Variants in SPAG16 observed in about 807,000 individuals in gnomAD.
SPAG16 encodes the protein sperm-associated antigen 16 protein.
Under a neutral mutation model 80.4 loss-of-function variants are expected in SPAG16, and 86 were observed. The observed-to-expected ratio is 1.07, with a 90% CI of 0.90 to 1.28. The LOEUF (loss-of-function observed/expected upper bound fraction) is 1.28. SPAG16 is among the 50% of genes most tolerant of loss of function. The probability of loss-of-function intolerance (pLI) is 0.00; values close to 1 mark genes in which losing one functional copy is unlikely to be tolerated. For missense variants in SPAG16, 870 were observed against 765.3 expected, an observed-to-expected ratio of 1.14 and a Z score of -1.61; for synonymous variants, 294 against 265.9, an observed-to-expected ratio of 1.11 and a Z score of -1.03.
intron 9 of SPAG16, among the ~76,000 whole-genome samples, chr2:213,475,538 A>T (rs1484932136): frequency 6.6e-6 from 1 of 152,156 alleles, no homozygotes; most frequent in African/African-American, 2.4e-5. Context: ...AATTTGAAGC[A>T]TCCCTCAAAT....
intron 9 of SPAG16, among the ~76,000 whole-genome samples, chr2:213,406,936 TAAAAAAA>T (rs60707204): frequency 1.1e-3 from 138 of 122,442 alleles, no homozygotes; most frequent in Non-Finnish European, 2.0e-3. Context: ...GACGCGGATT[TAAAAAAA>T]AAAAAAAAAA....
chr2:213,304,727 T>A (rs1415253782), intron 3 of SPAG16, among the ~76,000 whole-genome samples: 2 of 152,108 alleles, frequency 1.3e-5, no homozygotes, highest in Non-Finnish European at 2.9e-5. Flanking sequence ...GTTCTGTTGG[T>A]CTATGTATCT....
chr2:213,968,241 C>G (rs914828115), intron 12 of SPAG16, among the ~76,000 whole-genome samples: 3 of 151,930 alleles, frequency 2.0e-5, no homozygotes, highest in Non-Finnish European at 4.4e-5. Context: ...ACGGCGAGAT[C>G]TCATCTCACT....
At chr2:213,444,750 A>C (rs1003701144) in intron 9 of SPAG16, among the ~76,000 whole-genome samples, 1 of 152,170 alleles carries the variant, frequency 6.6e-6, no homozygotes. Flanking sequence ...TCTAAAATTT[A>C]TATGAAACCA....
intron 15 of SPAG16, among the ~76,000 whole-genome samples, chr2:214,311,107 C>T (rs899633684): frequency 2.6e-5 from 4 of 151,230 alleles, no homozygotes; most frequent in Non-Finnish European, 5.9e-5. Context: ...CACCTATCCA[C>T]TAGGGCAGAA....
chr2:213,455,202 A>G (rs920285323), intron 9 of SPAG16, among the ~76,000 whole-genome samples: 1 of 152,226 alleles, frequency 6.6e-6, no homozygotes, highest in Non-Finnish European at 1.5e-5. Context: ...GATTTCTTAA[A>G]ATATGTGATT....
At chr2:214,031,425 CTG>C (rs1184480331) in intron 13 of SPAG16, among the ~76,000 whole-genome samples, 1 of 89,692 alleles carries the variant, frequency 1.1e-5, no homozygotes, top group African/African-American at 4.6e-5. Context: ...ACATCACACT[CTG>C]GGGACTGTTG....
intron 10 of SPAG16, among the ~76,000 whole-genome samples, chr2:213,849,146 A>T (rs2074776993): frequency 6.6e-6 from 1 of 152,152 alleles, no homozygotes; most frequent in Non-Finnish European, 1.5e-5. Context: ...CACTCTTGGC[A>T]TAGGGTGACA....
chr2:214,091,501 C>G (rs1006782870), intron 13 of SPAG16, among the ~76,000 whole-genome samples: 3 of 152,064 alleles, frequency 2.0e-5, no homozygotes, highest in African/African-American at 7.2e-5. Context: ...ACCTGCATAA[C>G]AATGTACTGA....
intron 10 of SPAG16, among the ~76,000 whole-genome samples, chr2:213,731,572 T>G (rs2067046305): frequency 1.3e-5 from 2 of 151,788 alleles, no homozygotes; most frequent in African/African-American, 2.4e-5. Context: ...GCACAGATCA[T>G]CCCATCACCC....
rs2124938890 is a variant in SPAG16 at position 214,010,761 on chromosome 2, G to C, written c.1401-3190G>C. Among the ~76,000 whole-genome samples, 2 of 146,604 alleles carry C rather than the reference G, an allele frequency of 1.4e-5. 1 individual carries two copies. Among genetic ancestry groups the C allele is most frequent in the Middle Eastern group, 6.8e-3 (2 of 292 alleles). On this transcript the variant is annotated intron_variant, in intron 12 of 15. Transcript: ENST00000331683. Reference sequence around the variant, plus strand: ...TTAAACATATATTAAACACTAGGAAGATGGGGAAGGAGGGACGCTGAGTTT... The same window carrying C: ...TTAAACATATATTAAACACTAGGAACATGGGGAAGGAGGGACGCTGAGTTT...
chr2:213,662,286 A>G (rs1470854593), intron 10 of SPAG16, among the ~76,000 whole-genome samples: 2 of 152,192 alleles, frequency 1.3e-5, no homozygotes, highest in African/African-American at 2.4e-5. Flanking sequence ...GGGTAGCTTA[A>G]GACTTCTCTA....
intron 9 of SPAG16, among the ~76,000 whole-genome samples, chr2:213,393,817 A>G (rs1340316342): frequency 6.6e-6 from 1 of 152,080 alleles, no homozygotes; most frequent in Non-Finnish European, 1.5e-5. Context: ...ATGTCGCCTC[A>G]CTAGGTCTTA....
intron 10 of SPAG16, among the ~76,000 whole-genome samples, chr2:213,845,462 C>G (rs575678649): frequency 5.9e-5 from 9 of 152,268 alleles, no homozygotes; most frequent in African/African-American, 1.9e-4. Flanking sequence ...TCCCAAAGTG[C>G]TGGGATTACA....
At chr2:213,878,731 A>T (rs764910289) in intron 11 of SPAG16, among the ~76,000 whole-genome samples, 3 of 152,020 alleles carry the variant, frequency 2.0e-5, no homozygotes, top group Non-Finnish European at 4.4e-5. Flanking sequence ...CTTTGCCTAA[A>T]CCACCATCCA....
intron 5 of SPAG16, 44 bp downstream of exon 5, chr2:213,317,400 C>T (rs1460681391): frequency 5.1e-6 from 8 of 1,573,968 alleles, no homozygotes; most frequent in Non-Finnish European, 6.9e-6. Flanking sequence ...TTCTTTTGGA[C>T]TAAATAAAAG....
intron 13 of SPAG16, among the ~76,000 whole-genome samples, chr2:214,016,281 G>C (rs377486145): frequency 1.3e-5 from 2 of 152,130 alleles, no homozygotes; most frequent in South Asian, 2.1e-4. Flanking sequence ...AAGTGAATGA[G>C]GAAGCAAAGT....
intron 15 of SPAG16, among the ~76,000 whole-genome samples, chr2:214,212,041 A>G (rs938963076): frequency 6.6e-6 from 1 of 152,152 alleles, no homozygotes; most frequent in Non-Finnish European, 1.5e-5. Context: ...AGCAAAATAT[A>G]CTTGTAAAAT....
intron 4 of SPAG16, among the ~76,000 whole-genome samples, chr2:213,312,874 G>T (rs1173175342): frequency 6.6e-6 from 1 of 151,678 alleles, no homozygotes; most frequent in African/African-American, 2.4e-5. Context: ...TTCTGGGGAT[G>T]GTTAAGTTTT....
Sources: allele counts gnomAD v4.1 joint callset (sites outside exome capture counted in the v4.1 genomes callset), GRCh38; gene constraint gnomAD v4.1.1; transcripts MANE v1.5; gene names NCBI Gene and HGNC (gene_info 2026-07-23, HGNC 2026-07-21).